The following EBPL variants were observed in gnomAD, a reference collection of about 807,000 sequenced individuals.
EBPL encodes the protein EBP like, also known as emopamil-binding protein-like.
EBPL carries 20 observed loss-of-function variants against 19.0 expected under a neutral mutation model. The observed-to-expected ratio is 1.05, with a 90% CI of 0.74 to 1.53. The LOEUF is 1.53. Ranked by LOEUF, EBPL falls within the 40% of genes most tolerant of loss-of-function variation. EBPL has a pLI of 0.00. For missense variants in EBPL, 219 were observed against 261.1 expected, an observed-to-expected ratio of 0.84 and a Z score of 1.11; for synonymous variants, 107 against 117.0, an observed-to-expected ratio of 0.91 and a Z score of 0.55.
At chr13:49,676,062 A>G (rs560345773) in intron 1 of EBPL, among the ~76,000 whole-genome samples, 1 of 152,258 alleles carries the variant, frequency 6.6e-6, no homozygotes, top group South Asian at 2.1e-4. Flanking sequence ...TTTAATTGTT[A>G]AGAATGTAAG....
At chr13:49,682,329 AG>A (rs745979608) in intron 1 of EBPL, among the ~76,000 whole-genome samples, 2 of 152,230 alleles carry the variant, frequency 1.3e-5, no homozygotes, top group African/African-American at 4.8e-5. Context: ...CTCTGCCAGA[AG>A]GTTGTTACTT....
At chr13:49,681,421 G>A (rs1278304192) in intron 1 of EBPL, among the ~76,000 whole-genome samples, 1 of 152,152 alleles carries the variant, frequency 6.6e-6, no homozygotes, top group African/African-American at 2.4e-5. Context: ...CTCCTGAGTA[G>A]CTGAGATTAC....
intron 3 of EBPL, chr13:49,661,637 C>A (rs1332372595): frequency 2.9e-6 from 2 of 683,802 alleles, no homozygotes; most frequent in Non-Finnish European, 3.6e-6. Context: ...AAGCGATGGG[C>A]AAGTAAAAGG....
intron 1 of EBPL, 110 bp downstream of exon 1, chr13:49,691,144 A>T: frequency 3.1e-6 from 3 of 972,586 alleles, no homozygotes; most frequent in Non-Finnish European, 4.0e-6. Context: ...CAGCAGGGGG[A>T]GGGGCGGCCA....
Position 49,681,769 on chromosome 13 carries a change from T to C in EBPL, c.171+9485A>G, listed in dbSNP as rs148513474. On this transcript the variant is annotated intron_variant, in intron 1 of 3. Transcript: ENST00000242827. ...AAGAAAAATTTAGCAGAAAAAGTCC[T>C]TAAAGAAATAAAAAGAACACATACT... 3.2e-3 allele frequency among the ~76,000 whole-genome samples: 481 copies of C among 152,334 alleles called. 1 individual carries two copies. Among genetic ancestry groups the C allele is most frequent in the African/African-American group, 9.0e-3 (373 of 41,590 alleles).
chr13:49,677,815 C>A (rs1004841709), intron 1 of EBPL, among the ~76,000 whole-genome samples: 4 of 152,164 alleles, frequency 2.6e-5, no homozygotes, highest in African/African-American at 9.7e-5. Flanking sequence ...AAGAATGAAG[C>A]CGTGGACCCT....
intron 1 of EBPL, among the ~76,000 whole-genome samples, chr13:49,674,187 C>A (rs748888736): frequency 1.3e-5 from 2 of 152,174 alleles, no homozygotes; most frequent in Non-Finnish European, 2.9e-5. Context: ...CATTCAACCT[C>A]CGCCTCCTGG....
intron 2 of EBPL, 118 bp downstream of exon 2, chr13:49,669,659 C>T (rs955912715): frequency 4.5e-6 from 4 of 886,846 alleles, no homozygotes; most frequent in African/African-American, 1.7e-5. Context: ...TACAGACTCA[C>T]CTATTCTGGA....
chr13:49,689,887 C>T (rs1254190704), intron 1 of EBPL, among the ~76,000 whole-genome samples: 4 of 152,090 alleles, frequency 2.6e-5, no homozygotes, highest in African/African-American at 9.7e-5. Flanking sequence ...CGGTGGCTCA[C>T]GCCTGTCATC....
chr13:49,670,518 AC>A (rs1322505047), intron 1 of EBPL, among the ~76,000 whole-genome samples: 1 of 152,152 alleles, frequency 6.6e-6, no homozygotes, highest in Non-Finnish European at 1.5e-5. Flanking sequence ...GGTCAATAAA[AC>A]TTTTTTCTCA....
intron 1 of EBPL, among the ~76,000 whole-genome samples, chr13:49,681,185 G>A (rs1446717110): frequency 2.0e-5 from 3 of 152,128 alleles, no homozygotes; most frequent in African/African-American, 4.8e-5. Flanking sequence ...AAATATAACT[G>A]AACTATATTT....
chr13:49,689,839 T>A (rs1330320895), intron 1 of EBPL, among the ~76,000 whole-genome samples: 1 of 152,142 alleles, frequency 6.6e-6, no homozygotes, highest in Non-Finnish European at 1.5e-5. Context: ...TGTGTTCAAG[T>A]GATAGCTTAA....
intron 3 of EBPL, 50 bp downstream of exon 3, chr13:49,663,007 G>C (rs1228287117): frequency 6.2e-7 from 1 of 1,607,558 alleles, no homozygotes; most frequent in Non-Finnish European, 8.5e-7. Flanking sequence ...TAAGTGTTGG[G>C]ACATGTAATG....
chr13:49,673,992 C>CACACACACACACACACAA (rs67640243), intron 1 of EBPL, among the ~76,000 whole-genome samples: 1 of 142,562 alleles, frequency 7.0e-6, no homozygotes, highest in Non-Finnish European at 1.6e-5. Context: ...CACACACACA[C>CACACACACACACACACAA]CACACAAAGA....
At chr13:49,670,930 C>A (rs1953809146) in intron 1 of EBPL, among the ~76,000 whole-genome samples, 1 of 152,164 alleles carries the variant, frequency 6.6e-6, no homozygotes, top group African/African-American at 2.4e-5. Context: ...AGACTGATTA[C>A]ATGTCCTTTC....
intron 2 of EBPL, among the ~76,000 whole-genome samples, chr13:49,668,851 C>T (rs993557037): frequency 6.6e-6 from 1 of 151,344 alleles, no homozygotes; most frequent in African/African-American, 2.4e-5. Context: ...TTAAACCCCA[C>T]AAGCTCTTCC....
intron 1 of EBPL, 111 bp from the exon 2 acceptor site, chr13:49,669,957 C>T: frequency 1.2e-6 from 1 of 802,904 alleles, no homozygotes; most frequent in Non-Finnish European, 2.1e-6. Flanking sequence ...CCATGGCTCA[C>T]ATCCTGGCCA....
chr13:49,679,843 C>T lies in EBPL; in HGVS notation c.172-9997G>A, dbSNP rs137935148. On this transcript the variant is annotated intron_variant, in intron 1 of 3. Transcript: ENST00000242827. ...ACATTCATGGCTACTTTCACCTCTC[C>T]GGGCTTAAATTTCCTAACCAAGAAA... is the stretch of plus-strand genomic sequence containing the variant. Among the ~76,000 whole-genome samples the T allele has an allele frequency of 7.5e-3, 1,138 of 152,072 alleles. 14 individuals carry two copies. Among genetic ancestry groups the T allele is most frequent in the Middle Eastern group, 0.034 (10 of 294 alleles).
chr13:49,674,635 A>G (rs892962225), intron 1 of EBPL, among the ~76,000 whole-genome samples: 3 of 151,522 alleles, frequency 2.0e-5, no homozygotes, highest in Non-Finnish European at 2.9e-5. Context: ...AAAATTTAGA[A>G]TAGGCCAGGC....
Sources: allele counts gnomAD v4.1 joint callset (sites outside exome capture counted in the v4.1 genomes callset), GRCh38; gene constraint gnomAD v4.1.1; transcripts MANE v1.5; gene names NCBI Gene and HGNC (gene_info 2026-07-23, HGNC 2026-07-21).